Variants in LAD1 observed in about 807,000 individuals in gnomAD.
The protein encoded by LAD1 is ladinin 1.
LAD1 carries 53 observed loss-of-function variants against 54.2 expected under a neutral mutation model. The observed-to-expected ratio is 0.98, with a 90% CI of 0.78 to 1.23. LAD1 has a LOEUF of 1.23. Among genes scored for constraint, LAD1 ranks in the 50% most tolerant of loss-of-function variants. The pLI is 0.00. For synonymous variants in LAD1, 231 were observed against 257.7 expected (o/e 0.90, Z 0.99); for missense variants, 637 against 653.3 (o/e 0.98, Z 0.27).
chr1:201,385,710 G>A lies in LAD1; in HGVS notation c.1122C>T (p.Ile374=), dbSNP rs1023369727. The change falls in exon 4 of 10, where the codon ATC becomes ATT. Residue 374 remains isoleucine (I), a synonymous_variant. Transcript: ENST00000391967. The part of the protein sequence containing the change: ...SSLKRSSPRT[I]SFRMKPKKEN... The stretch of plus-strand genomic sequence containing the variant: ...TGCCCAGGGCTCTCACCCGAAAGGA[G>A]ATGGTCCTGGGGCTGGAGCGTTTGA... 4 of 1,613,528 alleles carry A rather than the reference G, an allele frequency of 2.5e-6. No individual in the cohort carries two copies. The highest frequency in any genetic ancestry group is 1.3e-5 in the African/African-American group (1 of 74,908).
At chr1:201,396,931 T>C (rs943808792) in intron 1 of LAD1, among the ~76,000 whole-genome samples, 3 of 152,072 alleles carry the variant, frequency 2.0e-5, no homozygotes, top group Non-Finnish European at 2.9e-5. Flanking sequence ...TCCCAGGCAC[T>C]CTCAGATCCA....
In LAD1 at chr1:201,389,264, C is replaced by T. The variant is rs567516585; in HGVS notation, c.78G>A (p.Gln26=). 1.2e-6 allele frequency: 2 copies of T among 1,613,954 alleles called. No individual in the cohort carries two copies. The highest frequency in any genetic ancestry group is 2.2e-5 in the South Asian group (2 of 91,086). ...RQRTLEDEEE[Q]ERERRRRHRN... is the part of the protein sequence containing the mutation. ...GGTGCCGCCGCCTGCGCTCGCGCTC[C>T]TGTTCCTCCTCATCCTCCAGAGTCC... The change falls in exon 2 of 10, where the codon CAG becomes CAA. Residue 26 remains glutamine (Q), a synonymous_variant. Transcript: ENST00000391967.
At position 201,381,670 on chromosome 1, in the gene LAD1, G is replaced by A. The variant is rs1045729474; in HGVS notation, c.*218C>T. ...GGTCCCAGCATCTGTTGTGCCTGCC[G>A]CAGGGTGAGAAAGTCCCAGCCCCAA... On this transcript the variant is annotated 3_prime_UTR_variant, in exon 10 of 10. Coordinates refer to ENST00000391967, the MANE Select transcript of LAD1 (RefSeq NM_005558.4). The A allele has an allele frequency of 1.3e-5, 8 of 633,486 alleles. No homozygotes were observed. The highest frequency in any genetic ancestry group is 1.1e-4 in the South Asian group (6 of 54,186). 39.2% of individuals were successfully genotyped at this position (633,486 alleles called of 1,614,324 possible). A position where few individuals can be genotyped will look rare whatever the true frequency, so the allele number is the denominator to read the frequency against.
intron 1 of LAD1, among the ~76,000 whole-genome samples, chr1:201,396,741 T>G (rs939393521): frequency 1.3e-5 from 2 of 152,156 alleles, no homozygotes; most frequent in African/African-American, 4.8e-5. Flanking sequence ...GCCAGTCTCC[T>G]GCACCTGAGC....
At chr1:201,382,470 C>T in intron 8 of LAD1, 144 bp from the exon 9 acceptor site, 1 of 770,064 alleles carries the variant, frequency 1.3e-6, no homozygotes, top group Non-Finnish European at 2.2e-6. Flanking sequence ...TCCTCTCTGC[C>T]AGAGTCTGAC....
chr1:201,383,181 G>A lies in LAD1; in HGVS notation c.1279C>T (p.Pro427Ser), dbSNP rs1372633532. The change falls in exon 7 of 10, where the codon CCT becomes TCT. Residue 427 changes from proline to serine, a missense_variant. Pro to Ser is a moderately conservative substitution (Grantham distance 74, BLOSUM62 -1). Coordinates refer to ENST00000391967, the MANE Select transcript of LAD1 (RefSeq NM_005558.4). ...RSESVKSRGLPCTELFVAPVG... is the reference protein window; with the variant it reads ...RSESVKSRGLSCTELFVAPVG... ...GGAGCCACGAATAACTCAGTGCAAG[G>A]CAGACCCCGAGACTTGACAGATTCT... 11 of 1,613,974 alleles carry A rather than the reference G, an allele frequency of 6.8e-6. No individual in the cohort carries two copies. Among genetic ancestry groups the A allele is most frequent in the Non-Finnish European group, 9.3e-6 (11 of 1,179,994 alleles).
chr1:201,386,398 CAA>C lies in LAD1; in HGVS notation c.961_962del (p.Leu321GlyfsTer109). ...RALPGKNLPS[L>X]AKQGASDPPT... Reference sequence around the variant, plus strand: ...GAGGGTCTGAAGCCCCCTGCTTTGCCAAAGAGGGCAGGTTCTTCCCAGGGAGG... The same window carrying C: ...GAGGGTCTGAAGCCCCCTGCTTTGCCAGAGGGCAGGTTCTTCCCAGGGAGG... On this transcript the variant is annotated frameshift_variant, in exon 3 of 10. Transcript: ENST00000391967. LOFTEE classifies it high-confidence loss of function. The C allele has an allele frequency of 6.6e-7, 1 of 1,522,386 alleles. No individual in the cohort carries two copies. The highest frequency in any genetic ancestry group is 8.8e-7 in the Non-Finnish European group (1 of 1,139,510). 94.3% of individuals were successfully genotyped at this position (1,522,386 alleles called of 1,614,324 possible). A position where few individuals can be genotyped will look rare whatever the true frequency, so the allele number is the denominator to read the frequency against.
chr1:201,391,083 G>A (rs1258118956), intron 1 of LAD1: 1 of 456,228 alleles, frequency 2.2e-6, no homozygotes. Flanking sequence ...TTTACCCATG[G>A]AAAAAACTCC....
chr1:201,393,745 C>CAA (rs55816688), intron 1 of LAD1, among the ~76,000 whole-genome samples: 5 of 121,176 alleles, frequency 4.1e-5, no homozygotes, highest in Admixed American at 8.8e-5. Flanking sequence ...GACTCCATCT[C>CAA]AAAAAAAAAA....
Position 201,381,514 on chromosome 1 carries a change from G to A in LAD1, c.*374C>T. 6.2e-6 allele frequency: 2 copies of A among 324,438 alleles called. No individual in the cohort carries two copies. The highest frequency in any genetic ancestry group is 1.2e-5 in the Non-Finnish European group (2 of 172,350). The allele number at this position is 324,438 out of a possible 1,614,324, so 20.1% of individuals were successfully genotyped here. A position where few individuals can be genotyped will look rare whatever the true frequency, so the allele number is the denominator to read the frequency against. On this transcript the variant is annotated 3_prime_UTR_variant, in exon 10 of 10. Coordinates refer to ENST00000391967, the MANE Select transcript of LAD1 (RefSeq NM_005558.4). Reference sequence around the variant, plus strand: ...CACTTGCTGGGAGCCGATGAGACAGGTGACTCTGGAGTTCTTGAGGGGCGC... The same window carrying A: ...CACTTGCTGGGAGCCGATGAGACAGATGACTCTGGAGTTCTTGAGGGGCGC...
intron 1 of LAD1, among the ~76,000 whole-genome samples, chr1:201,395,003 T>A (rs1662263599): frequency 6.6e-6 from 1 of 152,188 alleles, no homozygotes; most frequent in African/African-American, 2.4e-5. Flanking sequence ...CCTGGTCTCC[T>A]GGGGGTCTCC....
At chr1:201,388,385 C>T (rs2102357578) in intron 2 of LAD1, among the ~76,000 whole-genome samples, 1 of 136,804 alleles carries the variant, frequency 7.3e-6, no homozygotes, top group African/African-American at 3.0e-5. Context: ...AAGACTCCAT[C>T]TCAAAAAAAA....
intron 1 of LAD1, among the ~76,000 whole-genome samples, chr1:201,398,268 A>G (rs775974875): frequency 1.4e-4 from 21 of 152,178 alleles, no homozygotes; most frequent in Non-Finnish European, 1.5e-4. Context: ...CAGGACCCAA[A>G]TGGCTGGAGG....
chr1:201,382,621 A>G, intron 8 of LAD1, 32 bp downstream of exon 8: 1 of 1,530,604 alleles, frequency 6.5e-7, no homozygotes, highest in Non-Finnish European at 8.9e-7. Flanking sequence ...CAAAGGCTCC[A>G]CAGTAAGAGA....
intron 5 of LAD1, 25 bp from the exon 6 acceptor site, chr1:201,383,414 C>A (rs371956834): frequency 6.2e-7 from 1 of 1,612,338 alleles, no homozygotes; most frequent in Non-Finnish European, 8.5e-7. Context: ...ATGGAACAGG[C>A]GAGCCAAGTG....
chr1:201,384,771 C>T (rs759975652), intron 5 of LAD1, 21 bp downstream of exon 5: 1 of 1,613,542 alleles, frequency 6.2e-7, no homozygotes, highest in South Asian at 1.1e-5. Flanking sequence ...TAGAAAGAAC[C>T]AGAGCCTCCA....
chr1:201,396,776 T>C (rs1025495293), intron 1 of LAD1, among the ~76,000 whole-genome samples: 1 of 152,128 alleles, frequency 6.6e-6, no homozygotes, highest in African/African-American at 2.4e-5. Context: ...GTTCCCCTTC[T>C]GCATGGTCAC....
chr1:201,383,697 C>T (rs935371074), intron 5 of LAD1: 11 of 405,798 alleles, frequency 2.7e-5, no homozygotes, highest in Admixed American at 2.5e-4. Context: ...TCACAGCAAT[C>T]GCCACTTACC....
chr1:201,393,584 A>G (rs1361240985), intron 1 of LAD1, among the ~76,000 whole-genome samples: 1 of 151,976 alleles, frequency 6.6e-6, no homozygotes, highest in Non-Finnish European at 1.5e-5. Context: ...TGTCTCTCCT[A>G]AAAATACAAA....
Sources: allele counts gnomAD v4.1 joint callset (sites outside exome capture counted in the v4.1 genomes callset), GRCh38; gene constraint gnomAD v4.1.1; transcripts MANE v1.5; gene names NCBI Gene and HGNC (gene_info 2026-07-23, HGNC 2026-07-21).